STK26: variants seen among roughly 807,000 people sequenced by gnomAD.
STK26 encodes serine/threonine-protein kinase 26.
In STK26, 14 loss-of-function variants were observed where a neutral mutation model predicts 34.7. That is an observed-to-expected ratio of 0.40 (90% CI 0.27 to 0.63). The LOEUF is 0.63. Ranked by LOEUF, STK26 falls within the 30% of genes least tolerant of loss-of-function variation. The pLI is 0.38. For missense variants in STK26, 226 were observed against 309.1 expected (o/e 0.73, Z 2.02); for synonymous variants, 100 against 109.8 (o/e 0.91, Z 0.56).
chrX:132,043,227 G>A (rs1460529949), intron 2 of STK26, among the ~76,000 whole-genome samples: 1 of 111,766 alleles, frequency 8.9e-6, no homozygotes, highest in Admixed American at 9.5e-5. Context: ...ATGATAGTTC[G>A]ATATTTGCTA....
At chrX:132,070,251 C>T (rs1165594310) in intron 7 of STK26, among the ~76,000 whole-genome samples, 1 of 110,578 alleles carries the variant, frequency 9.0e-6, no homozygotes, top group African/African-American at 3.3e-5. Flanking sequence ...AGGCTTGTCT[C>T]GAACTCCTGA....
rs1389846139 is a variant in STK26, at chrX:132,071,159, A to G, written c.874A>G (p.Lys292Glu). Residue 292 changes from lysine to glutamate, a missense_variant, in exon 8 of 12, where the codon AAG becomes GAG. Physicochemically the swap from Lys to Glu is moderately conservative, Grantham distance 56. Around this residue, in one of 2 missense-constraint regions of STK26, gnomAD observed 126 missense variants for 132.4 expected, o/e 0.95. Transcript: ENST00000394334. ...SYLTELIDRF[K>E]RWKAEGHSDD... ...TCTGACTGAACTGATAGATCGTTTTAAGAGATGGAAGGCAGAAGGACACAG... is the reference window on the plus strand; with the variant it reads ...TCTGACTGAACTGATAGATCGTTTTGAGAGATGGAAGGCAGAAGGACACAG... 1 of 1,210,221 alleles carries G rather than the reference A, an allele frequency of 8.3e-7. No individual in the cohort carries two copies. The highest frequency in any genetic ancestry group is 1.7e-5 in the African/African-American group (1 of 57,858).
intron 4 of STK26, among the ~76,000 whole-genome samples, chrX:132,063,983 TCATGAATGAGATTCGCACC>T (rs1157911114): frequency 9.0e-6 from 1 of 111,562 alleles, no homozygotes; most frequent in African/African-American, 3.3e-5. Context: ...AGGTGAGTTC[TCATGAATGAGATTCGCACC>T]CTTACAAAAG....
rs1312142258 is a variant in STK26 at position 132,050,748 on chromosome X, A to C, written c.43-3883A>C. 3.6e-5 allele frequency among the ~76,000 whole-genome samples: 4 copies of C among 112,009 alleles called. No individual in the cohort carries two copies. In the East Asian group the frequency reaches 8.4e-4, roughly 23 times the overall value. On this transcript the variant is annotated intron_variant, in intron 2 of 11. Transcript: ENST00000394334. ...GCCAAAGTCCTCTTAGTTTTACTTT[A>C]ATCTCCAACTTGTCCACTTTTAATG...
In STK26 at chrX:132,063,496, A is replaced by G. The variant is rs2124183688; in HGVS notation, c.330+7A>G. 1 of 1,201,473 alleles carries G rather than the reference A, an allele frequency of 8.3e-7. No individual in the cohort carries two copies. ...TGGTTCAGCACTGGATCTTGTAAGT[A>G]TTTTAAAATAGTTACACACAGATGC... is the stretch of plus-strand genomic sequence containing the variant. On this transcript the variant is annotated splice_region_variant and intron_variant, in intron 4 of 11. Coordinates refer to ENST00000394334, the MANE Select transcript of STK26 (RefSeq NM_016542.4).
chrX:132,044,708 G>T (rs1926402495), intron 2 of STK26, among the ~76,000 whole-genome samples: 1 of 66,411 alleles, frequency 1.5e-5, no homozygotes, highest in African/African-American at 5.7e-5. Context: ...GAGAGAGAGA[G>T]ATCTATATAT....
chrX:132,074,544 C>A lies in STK26; in HGVS notation c.*385C>A. 7.7e-6 allele frequency: 1 copy of A among 130,346 alleles called. No homozygotes were observed. 10.7% of individuals were successfully genotyped at this position (130,346 alleles called of 1,213,427 possible). On this transcript the variant is annotated 3_prime_UTR_variant, in exon 12 of 12. Transcript: ENST00000394334. ...TCAATATTCAGCTTTTGTAAATTAT[C>A]AAGCTTCAAAAAGCTTTTTTTTTTA...
intron 4 of STK26, among the ~76,000 whole-genome samples, chrX:132,066,436 C>T (rs1233490008): frequency 1.8e-5 from 2 of 111,787 alleles, no homozygotes; most frequent in Non-Finnish European, 3.8e-5. Context: ...AGTCAAGGTC[C>T]CTCTCTTGCA....
chrX:132,060,895 G>A (rs73638563), intron 3 of STK26, among the ~76,000 whole-genome samples: 1,993 of 110,946 alleles, frequency 0.018, 42 homozygotes, highest in African/African-American at 0.063. Context: ...AGGATTACAG[G>A]CGTGTTGTGC....
At position 132,071,243 on chromosome X, in the gene STK26, T is replaced by C. The variant is rs778735304; in HGVS notation, c.932+26T>C. 5 of 1,190,791 alleles carry C rather than the reference T, an allele frequency of 4.2e-6. No individual in the cohort carries two copies. The East Asian group carries it at 1.5e-4, about 35-fold the overall frequency. On this transcript the variant is annotated intron_variant, in intron 8 of 11. Transcript: ENST00000394334. ...GTATGTACAAATTATTTAATTTTTA[T>C]GTAGGCAGCCTATTTAAATATTGTA... is the stretch of plus-strand genomic sequence containing the variant.
intron 2 of STK26, among the ~76,000 whole-genome samples, chrX:132,029,185 G>A (rs5977614): frequency 0.15 from 16,731 of 111,309 alleles, 1,126 homozygotes; most frequent in African/African-American, 0.25. Flanking sequence ...ACAAAGGTCC[G>A]TCATCATGTA....
intron 2 of STK26, among the ~76,000 whole-genome samples, chrX:132,050,791 C>T (rs1926660730): frequency 9.0e-6 from 1 of 111,698 alleles, no homozygotes; most frequent in African/African-American, 3.3e-5. Context: ...TTAGATGAGA[C>T]CCATATGCTT....
chrX:132,037,646 T>A (rs540976924), intron 2 of STK26, among the ~76,000 whole-genome samples: 1 of 110,823 alleles, frequency 9.0e-6, no homozygotes, highest in South Asian at 3.7e-4. Flanking sequence ...GTCTAAGCTC[T>A]TATTTTGAAG....
chrX:132,024,940 G>C (rs1880440283), intron 2 of STK26, among the ~76,000 whole-genome samples: 1 of 109,472 alleles, frequency 9.1e-6, no homozygotes, highest in South Asian at 3.9e-4. Flanking sequence ...AATAAAGAGA[G>C]AGAGAGAAAG....
At chrX:132,055,566 G>T in intron 3 of STK26, 1 of 1,012,794 alleles carries the variant, frequency 9.9e-7, no homozygotes, top group African/African-American at 1.9e-5. Flanking sequence ...TTAGAAGTCA[G>T]GATTCGTGTC....
At chrX:132,032,143 A>T (rs1925864446) in intron 2 of STK26, among the ~76,000 whole-genome samples, 2 of 111,902 alleles carry the variant, frequency 1.8e-5, no homozygotes. Flanking sequence ...GACTTGTTCC[A>T]GCCTTCCCCT....
chrX:132,044,627 T>TTC (rs202173059), intron 2 of STK26, among the ~76,000 whole-genome samples: 722 of 43,085 alleles, frequency 0.017, 45 homozygotes, highest in South Asian at 0.042. Context: ...GATGTTCAAA[T>TTC]TCTCTCTCTC....
chrX:132,051,741 C>T (rs1270460981), intron 2 of STK26, among the ~76,000 whole-genome samples: 2 of 110,295 alleles, frequency 1.8e-5, no homozygotes, highest in Non-Finnish European at 3.8e-5. Flanking sequence ...ATACTATCCC[C>T]CCCAAGCCCC....
intron 2 of STK26, among the ~76,000 whole-genome samples, chrX:132,048,424 G>A (rs1926574078): frequency 1.8e-5 from 2 of 111,663 alleles, no homozygotes; most frequent in Non-Finnish European, 3.8e-5. Context: ...TATAGCAAAA[G>A]GGGTTATAGT....
Sources: gnomAD v4.1 joint callset for allele counts (sites outside exome capture counted in the v4.1 genomes callset) on GRCh38, gnomAD v4.1.1 for gene constraint, gnomAD v4.1.1 regional missense constraint, MANE v1.5 for transcripts, NCBI Gene and HGNC (gene_info 2026-07-23, HGNC 2026-07-21) for gene names.